VWA8: variants seen among roughly 807,000 people sequenced by gnomAD.
The protein encoded by VWA8 is von Willebrand factor A domain containing 8.
A neutral mutation model predicts 241.5 loss-of-function variants in VWA8; 221 were observed. That is an observed-to-expected ratio of 0.91 (90% CI 0.82 to 1.02). The LOEUF is 1.02. Ranked by LOEUF, VWA8 falls within the 50% of genes least tolerant of loss-of-function variation. The pLI is 0.00. For missense variants in VWA8, 2,322 were observed against 2,328.7 expected (o/e 1.00, Z 0.06); for synonymous variants, 852 against 827.1 (o/e 1.03, Z -0.52).
At chr13:41,749,630 A>T (rs1363308563) in intron 21 of VWA8, among the ~76,000 whole-genome samples, 26 of 152,172 alleles carry the variant, frequency 1.7e-4, no homozygotes, top group Admixed American at 9.8e-4. Flanking sequence ...GATAGACTAG[A>T]TTAAGAAAAT....
chr13:41,670,292 C>T (rs2045013193), intron 37 of VWA8, among the ~76,000 whole-genome samples: 1 of 150,978 alleles, frequency 6.6e-6, no homozygotes, highest in South Asian at 2.1e-4. Flanking sequence ...GGCATATAGC[C>T]TTCCTCATTC....
rs1168629617 is a variant in VWA8, at chr13:41,959,606, C to CTTTTTTTTTTTTTTTT, written c.163+1231_163+1246dup. On this transcript the variant is annotated intron_variant, in intron 1 of 44. Coordinates refer to ENST00000379310, the MANE Select transcript of VWA8 (RefSeq NM_015058.2). ...ACGAAATACGTGGGACCTAAATATGCTTTTTTTTTTTTTTTTTTTGAGATG... is the reference window on the plus strand; with the variant it reads ...ACGAAATACGTGGGACCTAAATATGCTTTTTTTTTTTTTTTTTTTTTTTTTTTTTTTTTTTGAGATG... Among the ~76,000 whole-genome samples the CTTTTTTTTTTTTTTTT allele has an allele frequency of 6.4e-4, 51 of 79,630 alleles. 8 individuals are homozygous for CTTTTTTTTTTTTTTTT. The highest frequency in any genetic ancestry group is 7.9e-4 in the Non-Finnish European group (34 of 42,886). The allele number at this position is 79,630 out of a possible 152,430, so 52.2% of individuals were successfully genotyped here.
chr13:41,944,916 G>C (rs929799752), intron 2 of VWA8, among the ~76,000 whole-genome samples: 1 of 152,172 alleles, frequency 6.6e-6, no homozygotes, highest in African/African-American at 2.4e-5. Context: ...AAACTTTAAA[G>C]ACAGAAACAA....
intron 20 of VWA8, among the ~76,000 whole-genome samples, chr13:41,761,840 T>C (rs1359178581): frequency 1.3e-5 from 2 of 152,080 alleles, no homozygotes; most frequent in Non-Finnish European, 2.9e-5. Context: ...GAAGACAGAT[T>C]GTTAAAAATG....
In VWA8 at chr13:41,928,514, A is replaced by T. The variant is rs1171619129; in HGVS notation, c.242-16346T>A. On this transcript the variant is annotated intron_variant, in intron 2 of 44. Coordinates refer to ENST00000379310, the MANE Select transcript of VWA8 (RefSeq NM_015058.2). ...CTTGAACAACCAGTGGGCCAAGAAG[A>T]AACCAAAAGGGAAATTTTAAAATAT... Among the ~76,000 whole-genome samples the T allele has an allele frequency of 3.3e-5, 5 of 152,328 alleles. No homozygotes were observed. The East Asian group carries it at 9.6e-4, about 29-fold the overall frequency.
intron 8 of VWA8, among the ~76,000 whole-genome samples, chr13:41,885,688 T>C (rs1332436681): frequency 1.3e-5 from 2 of 152,236 alleles, no homozygotes; most frequent in East Asian, 1.9e-4. Flanking sequence ...TGTAGAACTT[T>C]ACTGAGATTG....
At chr13:41,727,805 T>C (rs1366692043) in intron 23 of VWA8, among the ~76,000 whole-genome samples, 1 of 152,092 alleles carries the variant, frequency 6.6e-6, no homozygotes, top group Non-Finnish European at 1.5e-5. Context: ...TAAATACATA[T>C]TAATAGAATA....
At chr13:41,836,830 A>G (rs1369162640) in intron 12 of VWA8, among the ~76,000 whole-genome samples, 1 of 152,214 alleles carries the variant, frequency 6.6e-6, no homozygotes, top group Non-Finnish European at 1.5e-5. Flanking sequence ...CAGCAGATCA[A>G]TATAGCTCAC....
At chr13:41,795,604 T>A (rs1869656593) in intron 17 of VWA8, among the ~76,000 whole-genome samples, 1 of 152,176 alleles carries the variant, frequency 6.6e-6, no homozygotes, top group African/African-American at 2.4e-5. Flanking sequence ...CACCATAGAA[T>A]ACTATGTAGC....
intron 37 of VWA8, among the ~76,000 whole-genome samples, chr13:41,621,369 G>C (rs2044656131): frequency 6.6e-6 from 1 of 152,118 alleles, no homozygotes; most frequent in South Asian, 2.1e-4. Flanking sequence ...ACTTACGATG[G>C]GTTTATTGGG....
chr13:41,590,659 C>T lies in VWA8; in HGVS notation c.5093G>A (p.Arg1698Gln), dbSNP rs368521925. The T allele has an allele frequency of 1.1e-5, 18 of 1,613,794 alleles. No homozygotes were observed. The highest frequency in any genetic ancestry group is 1.3e-5 in the African/African-American group (1 of 74,848). The change falls in exon 41 of 45, where the codon CGG (arginine) becomes CAG (glutamine). Residue 1698 changes from arginine to glutamine, a missense_variant. Coordinates refer to ENST00000379310, the MANE Select transcript of VWA8 (RefSeq NM_015058.2). ...ACTTACTTGTGGCTCCAGCTCACCC[C>T]GACGTTTGTAGATGGCTTTTTCTCC... Reference protein sequence around the residue: ...LTGEKAIYKRRGELEPQLGSP... With the variant: ...LTGEKAIYKRQGELEPQLGSP...
chr13:41,762,734 T>C (rs1386010703), intron 20 of VWA8, among the ~76,000 whole-genome samples: 1 of 152,004 alleles, frequency 6.6e-6, no homozygotes, highest in African/African-American at 2.4e-5. Flanking sequence ...GCATCAAGGA[T>C]AGAAATTCAA....
At chr13:41,687,115 T>TTTGCAAA (rs2045141741) in intron 34 of VWA8, among the ~76,000 whole-genome samples, 1 of 152,142 alleles carries the variant, frequency 6.6e-6, no homozygotes, top group African/African-American at 2.4e-5. Context: ...GGAAATGTGG[T>TTTGCAAA]TTGCAAATAT....
chr13:41,739,827 G>GTTTTTTTT (rs779464048), intron 21 of VWA8, among the ~76,000 whole-genome samples: 4 of 88,982 alleles, frequency 4.5e-5, no homozygotes, highest in South Asian at 4.7e-4. Flanking sequence ...TTGTTTTTTT[G>GTTTTTTTT]TTTTTTTTTT....
rs112004936 is a variant in VWA8 at position 41,887,405 on chromosome 13, A to G, written c.652-44T>C. On this transcript the variant is annotated intron_variant, in intron 5 of 44. Transcript: ENST00000379310. ...CGGAAGCTATAGCATAAATGATACA[A>G]ATCACAACTGTAAGAGCTGCCAAGT... The G allele has an allele frequency of 3.5e-4, 550 of 1,570,138 alleles. 4 individuals carry two copies. In the African/African-American group the frequency reaches 6.5e-3, roughly 19 times the overall value.
Position 41,570,502 on chromosome 13 carries a change from T to C in VWA8, c.5575A>G (p.Ile1859Val), listed in dbSNP as rs2044293187. The C allele has an allele frequency of 6.2e-7, 1 of 1,614,068 alleles. No homozygotes were observed. Among genetic ancestry groups the C allele is most frequent in the South Asian group, 1.1e-5 (1 of 91,090 alleles). The change falls in exon 44 of 45, where the codon ATT becomes GTT. Residue 1859 changes from isoleucine (I) to valine (V), a missense_variant. Transcript: ENST00000379310. ...TGATCACCTAAAGAGCCAATAAAAA[T>C]GGCAAAAGCATTTACTTGAGGGTCT... ...TRDPQVNAFA[I>V]FIGSLGDQAT...
intron 12 of VWA8, among the ~76,000 whole-genome samples, chr13:41,846,687 T>G (rs1872304174): frequency 6.6e-6 from 1 of 152,170 alleles, no homozygotes; most frequent in African/African-American, 2.4e-5. Context: ...AAGTTAATAT[T>G]AAAGCAGGTA....
intron 24 of VWA8, among the ~76,000 whole-genome samples, chr13:41,723,169 CTCTT>C (rs965247955): frequency 6.6e-6 from 1 of 152,162 alleles, no homozygotes; most frequent in African/African-American, 2.4e-5. Context: ...CTGTCTCTCT[CTCTT>C]TCTTTCTTTG....
rs931400365 is a variant in VWA8 at position 41,648,111 on chromosome 13, A to G, written c.4611+22835T>C. Among the ~76,000 whole-genome samples, 8 of 152,214 alleles carry G rather than the reference A, an allele frequency of 5.3e-5. 1 individual carries two copies. The highest frequency in any genetic ancestry group is 1.0e-4 in the Non-Finnish European group (7 of 68,036). The stretch of plus-strand genomic sequence containing the variant: ...AGAATCAACGTAGTTAGCAGAGGAG[A>G]GCTTTCCTAACACAATAGAAAAATG... On this transcript the variant is annotated intron_variant, in intron 37 of 44. Transcript: ENST00000379310.
Sources: allele counts gnomAD v4.1 joint callset (sites outside exome capture counted in the v4.1 genomes callset), GRCh38; gene constraint gnomAD v4.1.1; transcripts MANE v1.5; gene names NCBI Gene and HGNC (gene_info 2026-07-23, HGNC 2026-07-21).